Variants in FHDC1 observed in about 807,000 individuals in gnomAD.
FHDC1 encodes the protein FH2 domain containing 1, also known as FH2 domain-containing protein 1.
In FHDC1, 25 loss-of-function variants were observed where a neutral mutation model predicts 52.6. The ratio of observed to expected loss-of-function variants is 0.48; its 90% CI spans 0.35 to 0.66. The LOEUF (loss-of-function observed/expected upper bound fraction) is 0.66, where lower values mean the gene tolerates loss of function less well. Among genes scored for constraint, FHDC1 ranks in the 30% least tolerant of loss-of-function variants. The probability of loss-of-function intolerance (pLI) is 0.01; values close to 1 mark genes in which losing one functional copy is unlikely to be tolerated. For synonymous variants in FHDC1, 616 were observed against 581.5 expected, an observed-to-expected ratio of 1.06 and a Z score of -0.85; for missense variants, 1,459 against 1,452.8, an observed-to-expected ratio of 1.00 and a Z score of -0.07.
At position 152,943,273 on chromosome 4, in the gene FHDC1, C is replaced by G; in HGVS notation, c.216C>G (p.Ile72Met). ...CTCCACTTCCTGGGGAGCCTCCCAT[C>G]CCACCTCCCCCACCAGGCCTACCCC... ...PPPPLPGEPP[I>M]PPPPPGLPPT... is the part of the protein sequence containing the mutation. The change falls in exon 2 of 12, where the codon ATC becomes ATG. Residue 72 changes from isoleucine (I) to methionine (M), a missense_variant. Ile to Met is a conservative substitution (Grantham distance 10). Around this residue, in one of 3 missense-constraint regions of FHDC1, gnomAD observed 513 missense variants for 581.5 expected, o/e 0.88. Transcript: ENST00000511601. 8.8e-7 allele frequency: 1 copy of G among 1,140,424 alleles called. No homozygotes were observed. The highest frequency in any genetic ancestry group is 1.3e-6 in the Non-Finnish European group (1 of 770,940). The allele number at this position is 1,140,424 out of a possible 1,614,324, so 70.6% of individuals were successfully genotyped here.
chr4:152,955,790 A>G (rs1740065810), intron 4 of FHDC1, among the ~76,000 whole-genome samples: 1 of 152,210 alleles, frequency 6.6e-6, no homozygotes, highest in Non-Finnish European at 1.5e-5. Context: ...CTTTATAAGT[A>G]AAAAGTAAGG....
intron 6 of FHDC1, among the ~76,000 whole-genome samples, chr4:152,962,317 T>C (rs1361571522): frequency 1.3e-5 from 2 of 152,222 alleles, no homozygotes; most frequent in Non-Finnish European, 2.9e-5. Flanking sequence ...CTTTGCAAGT[T>C]ATTTACATGT....
Position 152,979,206 on chromosome 4 carries a change from T to C in FHDC1, c.*2483T>C, listed in dbSNP as rs936206115. 10 of 152,200 alleles carry C rather than the reference T, an allele frequency of 6.6e-5. No individual in the cohort carries two copies. Among genetic ancestry groups the C allele is most frequent in the Non-Finnish European group, 1.5e-5 (1 of 68,056 alleles). The allele number at this position is 152,200 out of a possible 1,614,324, so 9.4% of individuals were successfully genotyped here. A position where few individuals can be genotyped will look rare whatever the true frequency, so the allele number is the denominator to read the frequency against. On this transcript the variant is annotated 3_prime_UTR_variant, in exon 12 of 12. Transcript: ENST00000511601. The stretch of plus-strand genomic sequence containing the variant: ...AGTCACCACCTCTTCCCAAGCCTGT[T>C]TCCCATATCACAGATGTGGGGCCAT...
chr4:152,939,094 T>C (rs1317148459), intron 1 of FHDC1, among the ~76,000 whole-genome samples: 2 of 152,228 alleles, frequency 1.3e-5, no homozygotes, highest in Non-Finnish European at 2.9e-5. Flanking sequence ...TGTTGTTTTG[T>C]TGTTGCGACG....
the FHDC1 span, among the ~76,000 whole-genome samples, chr4:152,928,858 T>A: frequency 6.6e-6 from 1 of 151,978 alleles, no homozygotes; most frequent in Non-Finnish European, 1.5e-5. Flanking sequence ...CCAACCCCAT[T>A]TATGCATGAA....
Position 152,936,405 on chromosome 4 carries a change from C to G in FHDC1, c.-135C>G, listed in dbSNP as rs1044831003. On this transcript the variant is annotated 5_prime_UTR_variant, in exon 1 of 12. Coordinates refer to ENST00000511601, the MANE Select transcript of FHDC1 (RefSeq NM_001371116.1). The stretch of plus-strand genomic sequence containing the variant: ...GCGCCGGGAGCGGGGGCGCGCTGGC[C>G]GCGGGTGAGTGCGGGTCGGGCGGCC... 6.6e-6 allele frequency: 1 copy of G among 152,322 alleles called. No individual in the cohort carries two copies. Among genetic ancestry groups the G allele is most frequent in the Non-Finnish European group, 1.5e-5 (1 of 68,376 alleles). The allele number at this position is 152,322 out of a possible 1,614,324, so 9.4% of individuals were successfully genotyped here. A position where few individuals can be genotyped will look rare whatever the true frequency, so the allele number is the denominator to read the frequency against.
Position 152,976,256 on chromosome 4 carries a change from C to G in FHDC1, c.2965C>G (p.Leu989Val). 6.2e-7 allele frequency: 1 copy of G among 1,613,378 alleles called. No individual in the cohort carries two copies. Among genetic ancestry groups the G allele is most frequent in the South Asian group, 1.1e-5 (1 of 91,086 alleles). The change falls in exon 12 of 12, where the codon CTC becomes GTC. Residue 989 changes from leucine to valine, a missense_variant. Physicochemically the swap from Leu to Val is conservative, Grantham distance 32. This residue lies in a region of FHDC1 where 939 missense variants were observed against 854.5 expected (regional missense o/e 1.10). Transcript: ENST00000511601. ...TTTCAAGAAGCCCAGTGCCAAACCA[C>G]TCAGGAACCTCCCCAGACAGAAGCC... ...GSFKKPSAKP[L>V]RNLPRQKPEE...
At chr4:152,960,135 T>G (rs1431187826) in intron 4 of FHDC1, among the ~76,000 whole-genome samples, 1 of 152,232 alleles carries the variant, frequency 6.6e-6, no homozygotes, top group Non-Finnish European at 1.5e-5. Flanking sequence ...TAAGATTTTT[T>G]TCCGTTTATG....
At chr4:152,961,910 T>C (rs1369723730) in intron 6 of FHDC1, among the ~76,000 whole-genome samples, 1 of 152,196 alleles carries the variant, frequency 6.6e-6, no homozygotes, top group Admixed American at 6.5e-5. Flanking sequence ...TATTGAGCAA[T>C]GCAAACTTGT....
At chr4:152,949,271 T>TTCAACACTAA (rs2149942624) in intron 2 of FHDC1, among the ~76,000 whole-genome samples, 1 of 151,976 alleles carries the variant, frequency 6.6e-6, no homozygotes, top group African/African-American at 2.4e-5. Flanking sequence ...CGGCCAGGAA[T>TTCAACACTAA]TCAACACTAG....
chr4:152,957,421 C>T (rs1303388159), intron 4 of FHDC1, among the ~76,000 whole-genome samples: 2 of 152,182 alleles, frequency 1.3e-5, no homozygotes, highest in Non-Finnish European at 2.9e-5. Flanking sequence ...AACTGAGGCT[C>T]ACACAGGTTA....
the FHDC1 span, among the ~76,000 whole-genome samples, chr4:152,920,263 A>C: frequency 1.3e-5 from 2 of 152,072 alleles, no homozygotes; most frequent in African/African-American, 4.8e-5. Flanking sequence ...GTTCTTTATT[A>C]TAGTATCTAT....
chr4:152,917,398 G>A, the FHDC1 span, among the ~76,000 whole-genome samples: 2 of 152,036 alleles, frequency 1.3e-5, no homozygotes, highest in Non-Finnish European at 2.9e-5. Flanking sequence ...TTGTGAGATG[G>A]CCACGTTTTC....
chr4:152,936,906 G>C (rs1739399327), intron 1 of FHDC1, among the ~76,000 whole-genome samples: 1 of 152,270 alleles, frequency 6.6e-6, no homozygotes, highest in Non-Finnish European at 1.5e-5. Flanking sequence ...CCTGGCCCCT[G>C]ACACAGTGGT....
intron 2 of FHDC1, among the ~76,000 whole-genome samples, chr4:152,949,132 A>T (rs1338564625): frequency 2.9e-4 from 15 of 51,814 alleles, no homozygotes; most frequent in African/African-American, 1.0e-3. Flanking sequence ...AATAAGAAGA[A>T]GAAGAAGAAG....
chr4:152,975,524 G>A lies in FHDC1; in HGVS notation c.2233G>A (p.Ala745Thr). The change falls in exon 12 of 12, where the codon GCC (alanine) becomes ACC (threonine). Residue 745 changes from alanine to threonine, a missense_variant. Ala to Thr is a moderately conservative substitution (Grantham distance 58). Around this residue, in one of 3 missense-constraint regions of FHDC1, gnomAD observed 939 missense variants for 854.5 expected, o/e 1.10. Coordinates refer to ENST00000511601, the MANE Select transcript of FHDC1 (RefSeq NM_001371116.1). ...LSPALEDGKA[A>T]PDEPGSAALG... ...CCCAGCGCTGGAGGATGGCAAGGCT[G>A]CCCCCGATGAGCCTGGAAGTGCAGC... The A allele has an allele frequency of 6.2e-7, 1 of 1,613,566 alleles. No individual in the cohort carries two copies. Among genetic ancestry groups the A allele is most frequent in the Non-Finnish European group, 8.5e-7 (1 of 1,180,026 alleles).
chr4:152,930,457 T>C, the FHDC1 span, among the ~76,000 whole-genome samples: 8 of 152,156 alleles, frequency 5.3e-5, no homozygotes, highest in Non-Finnish European at 8.8e-5. Flanking sequence ...TGTTTTTCAG[T>C]AGGAGGCCAG....
intron 10 of FHDC1, among the ~76,000 whole-genome samples, chr4:152,968,352 G>C (rs1740530256): frequency 6.6e-6 from 1 of 151,516 alleles, no homozygotes; most frequent in Admixed American, 6.6e-5. Flanking sequence ...TTGAGAGGGA[G>C]TCTTGCTCTG....
At chr4:152,960,349 C>T (rs185734541) in intron 4 of FHDC1, among the ~76,000 whole-genome samples, 88 of 152,170 alleles carry the variant, frequency 5.8e-4, no homozygotes, top group Non-Finnish European at 1.0e-3. Flanking sequence ...ACATAAGTGA[C>T]GCTAGCTCTT....
Sources: gnomAD v4.1 joint callset for allele counts (sites outside exome capture counted in the v4.1 genomes callset) on GRCh38, gnomAD v4.1.1 for gene constraint, gnomAD v4.1.1 regional missense constraint, MANE v1.5 for transcripts, NCBI Gene and HGNC (gene_info 2026-07-23, HGNC 2026-07-21) for gene names.